PAG1: variants seen among roughly 807,000 people sequenced by gnomAD.
The protein encoded by PAG1 is phosphoprotein associated with glycosphingolipid-enriched microdomains 1.
In PAG1, 23 loss-of-function variants were observed where a neutral mutation model predicts 31.7. The observed-to-expected ratio is 0.73, with a 90% CI of 0.52 to 1.03. The LOEUF (loss-of-function observed/expected upper bound fraction) is 1.03, where lower values mean the gene tolerates loss of function less well. Ranked by LOEUF, PAG1 falls within the 50% of genes least tolerant of loss-of-function variation. The probability of loss-of-function intolerance (pLI) is 0.00; values close to 1 mark genes in which losing one functional copy is unlikely to be tolerated. For missense variants in PAG1, 473 were observed against 540.7 expected, an observed-to-expected ratio of 0.87 and a Z score of 1.24; for synonymous variants, 214 against 210.3, an observed-to-expected ratio of 1.02 and a Z score of -0.15.
Position 80,967,822 on chromosome 8 carries a change from T to C in PAG1, c.*8722A>G, listed in dbSNP as rs1342052983. The C allele has an allele frequency of 6.6e-6, 1 of 152,132 alleles. No individual in the cohort carries two copies. Among genetic ancestry groups the C allele is most frequent in the African/African-American group, 2.4e-5 (1 of 41,358 alleles). The allele number at this position is 152,132 out of a possible 1,614,324, so 9.4% of individuals were successfully genotyped here. ...ATTTTAACAAGCCTTTATGTAAAAC[T>C]GACTTTTATTACAATTAAAAAAGAA... On this transcript the variant is annotated 3_prime_UTR_variant, in exon 9 of 9. Transcript: ENST00000220597.
intron 2 of PAG1, among the ~76,000 whole-genome samples, chr8:81,045,996 C>G (rs538672922): frequency 6.6e-6 from 1 of 152,286 alleles, no homozygotes; most frequent in Non-Finnish European, 1.5e-5. Context: ...TTCCTTTTGT[C>G]TTACATTATC....
intron 2 of PAG1, among the ~76,000 whole-genome samples, chr8:81,062,898 T>C (rs1808941716): frequency 6.6e-6 from 1 of 152,190 alleles, no homozygotes; most frequent in African/African-American, 2.4e-5. Context: ...GTCTAAAATC[T>C]ATTCTAGAAA....
intron 3 of PAG1, among the ~76,000 whole-genome samples, chr8:81,010,841 C>T (rs1807970620): frequency 6.6e-6 from 1 of 152,218 alleles, no homozygotes; most frequent in South Asian, 2.1e-4. Context: ...TTCTCATGTG[C>T]TTTTTCTTTC....
chr8:81,103,643 A>G (rs1223771676), intron 1 of PAG1, among the ~76,000 whole-genome samples: 2 of 152,248 alleles, frequency 1.3e-5, no homozygotes, highest in East Asian at 3.8e-4. Context: ...TGAAAATTAT[A>G]GGATATTTTA....
At chr8:81,031,332 AATCTC>A (rs1407461646) in intron 2 of PAG1, among the ~76,000 whole-genome samples, 1 of 152,236 alleles carries the variant, frequency 6.6e-6, no homozygotes, top group East Asian at 1.9e-4. Flanking sequence ...TTCTGCTGTC[AATCTC>A]ATCAACTAGG....
At chr8:81,086,450 T>C (rs985563523) in intron 1 of PAG1, among the ~76,000 whole-genome samples, 2 of 152,132 alleles carry the variant, frequency 1.3e-5, no homozygotes, top group Admixed American at 1.3e-4. Context: ...AGGGCAAACA[T>C]GAGTAGTTCT....
intron 3 of PAG1, among the ~76,000 whole-genome samples, chr8:81,022,550 G>C (rs962775792): frequency 6.6e-6 from 1 of 151,920 alleles, no homozygotes; most frequent in East Asian, 1.9e-4. Flanking sequence ...ATAATATATG[G>C]GCACAATAGT....
intron 2 of PAG1, among the ~76,000 whole-genome samples, chr8:81,055,939 T>C (rs1262427498): frequency 6.6e-6 from 1 of 152,216 alleles, no homozygotes; most frequent in Non-Finnish European, 1.5e-5. Flanking sequence ...CCTAACTGAA[T>C]ACCCTTTATT....
intron 2 of PAG1, among the ~76,000 whole-genome samples, chr8:81,047,156 T>A (rs1216062709): frequency 6.6e-6 from 1 of 152,220 alleles, no homozygotes; most frequent in Non-Finnish European, 1.5e-5. Context: ...AATGAACATA[T>A]GTGTGCATGT....
intron 6 of PAG1, among the ~76,000 whole-genome samples, chr8:80,985,967 C>T (rs76391640): frequency 6.6e-6 from 1 of 151,580 alleles, no homozygotes; most frequent in Admixed American, 6.5e-5. Context: ...AGAAAAAAAC[C>T]AAATGTGAAA....
chr8:80,993,047 C>A, intron 4 of PAG1, 56 bp downstream of exon 4: 5 of 1,485,790 alleles, frequency 3.4e-6, no homozygotes, highest in Non-Finnish European at 4.6e-6. Context: ...AGAAACTCTT[C>A]TGGGTACAGG....
intron 1 of PAG1, among the ~76,000 whole-genome samples, chr8:81,096,340 TTCACAAAGA>T (rs1809527930): frequency 6.6e-6 from 1 of 152,088 alleles, no homozygotes; most frequent in Non-Finnish European, 1.5e-5. Context: ...GAGAAGAGAC[TTCACAAAGA>T]TCACTTTATA....
At chr8:81,108,782 C>T (rs751285849) in intron 1 of PAG1, among the ~76,000 whole-genome samples, 3 of 152,162 alleles carry the variant, frequency 2.0e-5, no homozygotes, top group East Asian at 1.9e-4. Flanking sequence ...CCGGAATCTG[C>T]TTCCCATGAC....
chr8:81,089,133 GA>G (rs1422480020), intron 1 of PAG1, among the ~76,000 whole-genome samples: 3 of 152,204 alleles, frequency 2.0e-5, no homozygotes, highest in African/African-American at 7.2e-5. Context: ...CTCGGTCTGA[GA>G]CAAAGGACTT....
chr8:81,081,804 G>C (rs554144286), intron 1 of PAG1, among the ~76,000 whole-genome samples: 1 of 152,064 alleles, frequency 6.6e-6, no homozygotes, highest in Non-Finnish European at 1.5e-5. Flanking sequence ...TGGATGTACC[G>C]GTTTGTTCAG....
At chr8:80,998,693 A>G (rs562570024) in intron 3 of PAG1, among the ~76,000 whole-genome samples, 2 of 152,336 alleles carry the variant, frequency 1.3e-5, no homozygotes, top group South Asian at 2.1e-4. Context: ...CTCTGATCAT[A>G]GCAAATTCTA....
intron 8 of PAG1, among the ~76,000 whole-genome samples, chr8:80,979,986 C>T (rs996611050): frequency 3.3e-5 from 5 of 152,172 alleles, no homozygotes; most frequent in Admixed American, 1.3e-4. Flanking sequence ...TTAATCTGCT[C>T]TCAGCATCCA....
intron 2 of PAG1, chr8:81,039,391 A>G (rs1459404133): frequency 6.6e-6 from 1 of 152,254 alleles, no homozygotes; most frequent in Non-Finnish European, 1.5e-5. Context: ...ACACCCACAC[A>G]GGGAGAATCT....
rs190549980 is a variant in PAG1, at chr8:81,100,345, G to A, written c.-234+11246C>T. Among the ~76,000 whole-genome samples, 473 of 152,274 alleles carry A rather than the reference G, an allele frequency of 3.1e-3. 1 individual carries two copies. Among genetic ancestry groups the A allele is most frequent in the South Asian group, 5.6e-3 (27 of 4,824 alleles). ...TCACCAGAACTATCACTTTTCGTTT[G>A]CGTAAAAAATATAATACAAATTAAA... On this transcript the variant is annotated intron_variant, in intron 1 of 8. Coordinates refer to ENST00000220597, the MANE Select transcript of PAG1 (RefSeq NM_018440.4).
Sources: allele counts gnomAD v4.1 joint callset (sites outside exome capture counted in the v4.1 genomes callset), GRCh38; gene constraint gnomAD v4.1.1; transcripts MANE v1.5; gene names NCBI Gene and HGNC (gene_info 2026-07-23, HGNC 2026-07-21).